The following OXR1 variants were observed in gnomAD, a reference collection of about 807,000 sequenced individuals.
OXR1 encodes the protein oxidation resistance 1.
Under a neutral mutation model 104.6 loss-of-function variants are expected in OXR1, and 41 were observed. That is an observed-to-expected ratio of 0.39 (90% confidence interval 0.31 to 0.51). The LOEUF (loss-of-function observed/expected upper bound fraction) is 0.51, where lower values mean the gene tolerates loss of function less well. OXR1 is among the 20% of genes least tolerant of loss of function. OXR1 has a pLI of 0.77. For synonymous variants in OXR1, 348 were observed against 348.4 expected, an observed-to-expected ratio of 1.00 and a Z score of 0.01; for missense variants, 955 against 1,031.9, an observed-to-expected ratio of 0.93 and a Z score of 1.02.
chr8:106,706,915 A>G lies in OXR1; in HGVS notation c.1394A>G (p.Lys465Arg). The change falls in exon 9 of 17, where the codon AAA becomes AGA. Residue 465 changes from lysine to arginine, a missense_variant. By Grantham distance (26) the Lys-to-Arg change is conservative (BLOSUM62 2). Transcript: ENST00000517566. ...ENSLHQEESQ[K>R]ENMPCGETAE... ...TCGTTACACCAAGAAGAGAGTCAAA[A>G]AGAAAATATGCCTTGTGGGGAAACA... The G allele has an allele frequency of 1.2e-6, 2 of 1,612,436 alleles. No individual in the cohort carries two copies. The highest frequency in any genetic ancestry group is 1.7e-6 in the Non-Finnish European group (2 of 1,179,738).
At chr8:106,666,951 G>T (rs891213436) in intron 3 of OXR1, among the ~76,000 whole-genome samples, 1 of 152,154 alleles carries the variant, frequency 6.6e-6, no homozygotes, top group African/African-American at 2.4e-5. Flanking sequence ...CTATTTTAAT[G>T]TAAATTAATT....
At chr8:106,615,061 G>A (rs1386568378) in intron 3 of OXR1, among the ~76,000 whole-genome samples, 1 of 152,172 alleles carries the variant, frequency 6.6e-6, no homozygotes, top group Non-Finnish European at 1.5e-5. Flanking sequence ...GCTTATGCCT[G>A]TCATCCTAGC....
chr8:106,356,053 A>G (rs1815954711), intron 1 of OXR1, among the ~76,000 whole-genome samples: 1 of 152,186 alleles, frequency 6.6e-6, no homozygotes, highest in Non-Finnish European at 1.5e-5. Context: ...GAGCTTGCAG[A>G]AAAGTTCTAG....
At chr8:106,461,605 A>G (rs564768934) in intron 2 of OXR1, among the ~76,000 whole-genome samples, 1 of 152,232 alleles carries the variant, frequency 6.6e-6, no homozygotes, top group South Asian at 2.1e-4. Flanking sequence ...GAGAGGAATC[A>G]AGCATTGGGA....
intron 6 of OXR1, among the ~76,000 whole-genome samples, chr8:106,687,487 G>A (rs888271271): frequency 2.0e-5 from 3 of 152,066 alleles, no homozygotes; most frequent in Admixed American, 1.3e-4. Context: ...TTGGGAGGCC[G>A]AGGCAGGCAG....
At chr8:106,280,961 G>T (rs965291282) in intron 1 of OXR1, among the ~76,000 whole-genome samples, 6 of 152,070 alleles carry the variant, frequency 3.9e-5, no homozygotes, top group Non-Finnish European at 7.4e-5. Context: ...AAGTTGACCA[G>T]AGAAAGCCCC....
intron 3 of OXR1, chr8:106,658,281 G>T (rs1226980673): frequency 4.8e-5 from 58 of 1,212,856 alleles, no homozygotes; most frequent in Non-Finnish European, 5.9e-5. Flanking sequence ...TCGCTGCCCG[G>T]CTCTGGCAGG....
chr8:106,584,271 T>C (rs563795897), intron 3 of OXR1, among the ~76,000 whole-genome samples: 3 of 149,828 alleles, frequency 2.0e-5, no homozygotes, highest in African/African-American at 7.4e-5. Context: ...AACTCCATCA[T>C]CCAAACAGGA....
At chr8:106,669,200 T>TTA (rs1563686151) in intron 3 of OXR1, among the ~76,000 whole-genome samples, 1 of 151,166 alleles carries the variant, frequency 6.6e-6, no homozygotes, top group Admixed American at 6.6e-5. Flanking sequence ...AGAGATCAGA[T>TTA]AAAAAAAAAG....
intron 2 of OXR1, among the ~76,000 whole-genome samples, chr8:106,480,797 C>A (rs949631421): frequency 2.0e-5 from 3 of 151,884 alleles, no homozygotes; most frequent in Admixed American, 6.6e-5. Context: ...ACCTGCCTTG[C>A]CTATCTCACA....
chr8:106,331,028 T>C (rs1383453272), intron 1 of OXR1, among the ~76,000 whole-genome samples: 1 of 152,202 alleles, frequency 6.6e-6, no homozygotes, highest in Non-Finnish European at 1.5e-5. Context: ...ATCTTTCATA[T>C]TAGAATTACT....
chr8:106,741,105 T>C (rs577765616), intron 14 of OXR1, among the ~76,000 whole-genome samples: 60 of 152,282 alleles, frequency 3.9e-4, no homozygotes, highest in Non-Finnish European at 6.0e-4. Flanking sequence ...GATACTGTTA[T>C]CTTTATATTA....
intron 12 of OXR1, among the ~76,000 whole-genome samples, 167 bp downstream of exon 12, chr8:106,737,767 A>G (rs1834534358): frequency 6.6e-6 from 1 of 152,100 alleles, no homozygotes; most frequent in South Asian, 2.1e-4. Context: ...GCTGTGGATT[A>G]TCTTTTCTGT....
rs1376102728 is a variant in OXR1, at chr8:106,713,863, G to A, written c.1834G>A (p.Glu612Lys). Residue 612 changes from glutamate to lysine, a missense_variant, in exon 11 of 17, where the codon GAA (glutamate) becomes AAA (lysine). Glu to Lys is a moderately conservative substitution (Grantham distance 56). Transcript: ENST00000517566. ...TGCCTTCTTCATTCAGTGGAGTCCA[G>A]AAATATATGCAGAAGATACTGGCGA... is the stretch of plus-strand genomic sequence containing the variant. ...LYAFFIQWSPEIYAEDTGEYT... is the reference protein window; with the variant it reads ...LYAFFIQWSPKIYAEDTGEYT... 1 of 1,582,386 alleles carries A rather than the reference G, an allele frequency of 6.3e-7. No homozygotes were observed. The highest frequency in any genetic ancestry group is 8.5e-7 in the Non-Finnish European group (1 of 1,170,518).
At chr8:106,517,797 G>A (rs1415318613) in intron 2 of OXR1, among the ~76,000 whole-genome samples, 1 of 152,142 alleles carries the variant, frequency 6.6e-6, no homozygotes, top group Non-Finnish European at 1.5e-5. Flanking sequence ...TATGGATAAG[G>A]TAGAAATCAT....
chr8:106,526,565 C>A (rs190365155), intron 3 of OXR1, among the ~76,000 whole-genome samples: 2 of 152,182 alleles, frequency 1.3e-5, no homozygotes, highest in African/African-American at 4.8e-5. Context: ...TTTTTTGAGA[C>A]GGAGTCTCGC....
intron 3 of OXR1, among the ~76,000 whole-genome samples, chr8:106,626,753 A>G (rs1822204151): frequency 6.6e-6 from 1 of 151,434 alleles, no homozygotes; most frequent in Non-Finnish European, 1.5e-5. Flanking sequence ...CACTATTACC[A>G]GATCTTAAAC....
intron 3 of OXR1, among the ~76,000 whole-genome samples, chr8:106,676,335 T>C (rs1396628251): frequency 6.6e-6 from 1 of 152,142 alleles, no homozygotes; most frequent in Admixed American, 6.6e-5. Flanking sequence ...TATGTGTGGA[T>C]TTTATCCTGT....
At chr8:106,587,071 A>G (rs1440695911) in intron 3 of OXR1, among the ~76,000 whole-genome samples, 2 of 152,170 alleles carry the variant, frequency 1.3e-5, no homozygotes, top group African/African-American at 4.8e-5. Flanking sequence ...GTAACAGAGT[A>G]TTTTTATGTG....
Sources: gnomAD v4.1 joint callset for allele counts (sites outside exome capture counted in the v4.1 genomes callset) on GRCh38, gnomAD v4.1.1 for gene constraint, MANE v1.5 for transcripts, NCBI Gene and HGNC (gene_info 2026-07-23, HGNC 2026-07-21) for gene names.